MCAM: variants seen among roughly 807,000 people sequenced by gnomAD.
MCAM encodes cell surface glycoprotein MUC18.
A neutral mutation model predicts 79.1 loss-of-function variants in MCAM; 55 were observed. That is an observed-to-expected ratio of 0.70 (90% CI 0.56 to 0.87). The LOEUF is 0.87. Ranked by LOEUF, MCAM falls within the 40% of genes least tolerant of loss-of-function variation. The pLI, the probability that MCAM is intolerant of heterozygous loss-of-function variation, is 0.00. For synonymous variants in MCAM, 330 were observed against 339.8 expected, an observed-to-expected ratio of 0.97 and a Z score of 0.32; for missense variants, 745 against 839.8, an observed-to-expected ratio of 0.89 and a Z score of 1.40.
chr11:119,313,467 G>A (rs1016473243), intron 5 of MCAM: 4 of 523,714 alleles, frequency 7.6e-6, no homozygotes, highest in South Asian at 4.2e-5. Context: ...GTACAATCTC[G>A]GCTCACCGCA....
Position 119,309,625 on chromosome 11 carries a change from G to T in MCAM, c.*261C>A, listed in dbSNP as rs989035906. The T allele has an allele frequency of 7.4e-6, 4 of 543,254 alleles. No individual in the cohort carries two copies. The highest frequency in any genetic ancestry group is 1.9e-5 in the African/African-American group (1 of 52,734). 33.7% of individuals were successfully genotyped at this position (543,254 alleles called of 1,614,324 possible). A position where few individuals can be genotyped will look rare whatever the true frequency, so the allele number is the denominator to read the frequency against. On this transcript the variant is annotated 3_prime_UTR_variant, in exon 16 of 16. Transcript: ENST00000264036. ...CGTTCTGCAAGAAACTCTCCTACCC[G>T]CTCGGGAGACTGGGGCTCCTTGCTT... is the stretch of plus-strand genomic sequence containing the variant.
rs1462955078 is a variant in MCAM at position 119,313,455 on chromosome 11, T to G, written c.560-506A>C. 6 of 648,910 alleles carry G rather than the reference T, an allele frequency of 9.2e-6. No homozygotes were observed. The African/African-American group carries it at 1.2e-4, about 13-fold the overall frequency. The allele number at this position is 648,910 out of a possible 1,614,324, so 40.2% of individuals were successfully genotyped here. ...TCTTGTTGCCCAGGCTGGAGTGCAG[T>G]GGTACAATCTCGGCTCACCGCAACC... On this transcript the variant is annotated intron_variant, in intron 5 of 15. Coordinates refer to ENST00000264036, the MANE Select transcript of MCAM (RefSeq NM_006500.3).
rs2249466 is a variant in MCAM at position 119,310,460 on chromosome 11, T to C, written c.1800A>G (p.Leu600=). Residue 600 remains leucine (L), a synonymous_variant, in exon 15 of 16, where the codon CTA becomes CTG. Coordinates refer to ENST00000264036, the MANE Select transcript of MCAM (RefSeq NM_006500.3). ...CAAGTTCGCTCTTACGAGACGGGGG[T>C]AGCGTGCTGGGAGGAGGGAGGGAGG... ...CRRSGKQEIT[L]PPSRKSELVV... The C allele has an allele frequency of 0.72, 1,158,879 of 1,601,838 alleles. 420,927 individuals carry two copies. Among genetic ancestry groups the C allele is most frequent in the Admixed American group, 0.83 (49,604 of 60,020 alleles).
intron 5 of MCAM, 47 bp downstream of exon 5, chr11:119,314,442 T>C: frequency 2.0e-6 from 3 of 1,521,772 alleles, no homozygotes; most frequent in Non-Finnish European, 2.7e-6. Flanking sequence ...AGGTGTGAGC[T>C]ACCACACCTG....
In MCAM at chr11:119,311,688, G is replaced by A; in HGVS notation, c.1286-37C>T. On this transcript the variant is annotated intron_variant, in intron 10 of 15. Coordinates refer to ENST00000264036, the MANE Select transcript of MCAM (RefSeq NM_006500.3). The surrounding 1 kb of genome is among the most constrained non-coding windows in gnomAD (Gnocchi z 4.4). ...AGGGAGAGGTGAGGTGGCAAGCCCAGCTAGCCTGCCTCCCCCTCCGCACCA... is the reference window on the plus strand; with the variant it reads ...AGGGAGAGGTGAGGTGGCAAGCCCAACTAGCCTGCCTCCCCCTCCGCACCA... The A allele has an allele frequency of 6.2e-7, 1 of 1,612,888 alleles. No individual in the cohort carries two copies. Among genetic ancestry groups the A allele is most frequent in the Non-Finnish European group, 8.5e-7 (1 of 1,179,242 alleles).
chr11:119,317,060 G>T lies in MCAM; in HGVS notation c.42C>A (p.Ala14=). The change falls in exon 1 of 16, where the codon GCC becomes GCA. Residue 14 remains alanine (A), a synonymous_variant. Coordinates refer to ENST00000264036, the MANE Select transcript of MCAM (RefSeq NM_006500.3). This position sits in a 1 kb window ranked among gnomAD's most constrained non-coding sequence, Gnocchi z 6.2. The stretch of plus-strand genomic sequence containing the variant: ...CCGCGACGCGAGGACAGCAGCAGCA[G>T]GCGGCGAGCAAGAAGGCGCAGACCA... ...PRLVCAFLLA[A]CCCCPRVAGV... 6.5e-7 allele frequency: 1 copy of T among 1,535,426 alleles called. No individual in the cohort carries two copies.
chr11:119,309,627 T>G lies in MCAM; in HGVS notation c.*259A>C. 1.8e-6 allele frequency: 1 copy of G among 547,234 alleles called. No individual in the cohort carries two copies. Among genetic ancestry groups the G allele is most frequent in the Non-Finnish European group, 3.2e-6 (1 of 307,786 alleles). The allele number at this position is 547,234 out of a possible 1,614,324, so 33.9% of individuals were successfully genotyped here. ...TTCTGCAAGAAACTCTCCTACCCGC[T>G]CGGGAGACTGGGGCTCCTTGCTTGG... On this transcript the variant is annotated 3_prime_UTR_variant, in exon 16 of 16. Transcript: ENST00000264036.
Position 119,316,749 on chromosome 11 carries a change from A to AC in MCAM, c.67+285dup, listed in dbSNP as rs367702796. ...AGAGTGAGCACCTCAGGGACCACCC[A>AC]CCCCCCAGCACCCCGAAAGGCTGAG... On this transcript the variant is annotated intron_variant, in intron 1 of 15. Coordinates refer to ENST00000264036, the MANE Select transcript of MCAM (RefSeq NM_006500.3). The surrounding 1 kb of genome is among the most constrained non-coding windows in gnomAD (Gnocchi z 4.8). 3.0e-3 allele frequency: 1,270 copies of AC among 427,082 alleles called. 19 individuals carry two copies. The highest frequency in any genetic ancestry group is 0.025 in the African/African-American group (1,188 of 46,686). 26.5% of individuals were successfully genotyped at this position (427,082 alleles called of 1,614,324 possible).
intron 5 of MCAM, 118 bp from the exon 6 acceptor site, chr11:119,313,067 G>A: frequency 1.3e-6 from 2 of 1,559,226 alleles, no homozygotes; most frequent in Non-Finnish European, 1.7e-6. Context: ...CCCTGTAGAA[G>A]GCCAGGTACA....
In MCAM at chr11:119,312,644, C is replaced by T. The variant is rs374252699; in HGVS notation, c.744G>A (p.Pro248=). The T allele has an allele frequency of 5.1e-5, 82 of 1,614,146 alleles. No homozygotes were observed. The African/African-American group carries it at 7.5e-4, about 15-fold the overall frequency. Residue 248 remains proline, a synonymous_variant, in exon 7 of 16, where the codon CCG becomes CCA. Transcript: ENST00000264036. The surrounding 1 kb of genome is among the most constrained non-coding windows in gnomAD (Gnocchi z 4.9). ...CCACTTCCAGCCACACTTTTTCTGT[C>T]GGGTCTGCATAGGCAAAGGGGGTAG... is the stretch of plus-strand genomic sequence containing the variant. ...SREVTVPVFY[P]TEKVWLEVEP... is the part of the protein sequence containing the mutation.
At chr11:119,314,647 C>T (rs746884239) in intron 4 of MCAM, 32 bp downstream of exon 4, 2 of 1,613,088 alleles carry the variant, frequency 1.2e-6, no homozygotes, top group Non-Finnish European at 1.7e-6. Flanking sequence ...GGCTGCGCAC[C>T]AGCTGCCCAG....
chr11:119,312,093 C>T lies in MCAM; in HGVS notation c.1102G>A (p.Glu368Lys). 6.2e-7 allele frequency: 1 copy of T among 1,613,546 alleles called. No homozygotes were observed. The highest frequency in any genetic ancestry group is 8.5e-7 in the Non-Finnish European group (1 of 1,179,766). ...TGGAACTCGAGGTCCTGGCTACTCT[C>T]TGCCTCACAGGTCAGGGTGAGGCTG... ...GSSLTLTCEAESSQDLEFQWL... is the reference protein window; with the variant it reads ...GSSLTLTCEAKSSQDLEFQWL... Residue 368 changes from glutamate to lysine, a missense_variant, in exon 9 of 16, where the codon GAG (glutamate) becomes AAG (lysine). By Grantham distance (56) the Glu-to-Lys change is moderately conservative. Transcript: ENST00000264036. This position sits in a 1 kb window ranked among gnomAD's most constrained non-coding sequence, Gnocchi z 4.9.
In MCAM at chr11:119,311,006, C is replaced by G; in HGVS notation, c.1645+84G>C. On this transcript the variant is annotated intron_variant, in intron 13 of 15. Coordinates refer to ENST00000264036, the MANE Select transcript of MCAM (RefSeq NM_006500.3). The surrounding 1 kb of genome is among the most constrained non-coding windows in gnomAD (Gnocchi z 4.4). ...CCGACAAGATGGGGCTGCTACTCAC[C>G]TTTCTGGACAGGGCTCTCTGGGGAG... The G allele has an allele frequency of 6.2e-7, 1 of 1,613,930 alleles. No homozygotes were observed. Among genetic ancestry groups the G allele is most frequent in the Middle Eastern group, 1.6e-4 (1 of 6,062 alleles).
rs770212679 is a variant in MCAM, at chr11:119,310,454, C to T, written c.1806G>A (p.Pro602=). ...RSGKQEITLP[P]SRKSELVVEV... ...CAACTACAAGTTCGCTCTTACGAGACGGGGGTAGCGTGCTGGGAGGAGGGA... is the reference window on the plus strand; with the variant it reads ...CAACTACAAGTTCGCTCTTACGAGATGGGGGTAGCGTGCTGGGAGGAGGGA... Residue 602 remains proline (P), a synonymous_variant, in exon 15 of 16, where the codon CCG becomes CCA. Transcript: ENST00000264036. The T allele has an allele frequency of 3.1e-5, 50 of 1,609,842 alleles. No homozygotes were observed. In the Admixed American group the frequency reaches 3.7e-4, roughly 12 times the overall value.
In MCAM at chr11:119,310,278, G is replaced by A. The variant is rs1419210411; in HGVS notation, c.1911+71C>T. On this transcript the variant is annotated intron_variant, in intron 15 of 15. Coordinates refer to ENST00000264036, the MANE Select transcript of MCAM (RefSeq NM_006500.3). ...GACAAAGAGGGATGAAGGATAGAGA[G>A]AACCGTTAGTCCCTACTGCCCCCGG... The A allele has an allele frequency of 5.0e-6, 5 of 1,000,646 alleles. No homozygotes were observed. In the Admixed American group the frequency reaches 8.7e-5, roughly 17 times the overall value. 62.0% of individuals were successfully genotyped at this position (1,000,646 alleles called of 1,614,324 possible).
At position 119,316,412 on chromosome 11, in the gene MCAM, G is replaced by T. The variant is rs188623296; in HGVS notation, c.67+623C>A. On this transcript the variant is annotated intron_variant, in intron 1 of 15. Coordinates refer to ENST00000264036, the MANE Select transcript of MCAM (RefSeq NM_006500.3). This position sits in a 1 kb window ranked among gnomAD's most constrained non-coding sequence, Gnocchi z 4.8. ...AATGTGGTCCCCAAAATAAGCCAGC[G>T]GGCGCTTCCAGTATGGGAATCCTCC... The T allele has an allele frequency of 6.6e-6, 1 of 152,268 alleles. No individual in the cohort carries two copies. Among genetic ancestry groups the T allele is most frequent in the Non-Finnish European group, 1.5e-5 (1 of 68,088 alleles). 9.4% of individuals were successfully genotyped at this position (152,268 alleles called of 1,614,324 possible).
intron 5 of MCAM, 70 bp downstream of exon 5, chr11:119,314,419 G>T (rs1407350022): frequency 4.3e-6 from 6 of 1,397,886 alleles, no homozygotes; most frequent in Non-Finnish European, 6.1e-6. Context: ...GCCTCCCAAA[G>T]CACCGAGATT....
chr11:119,308,723 C>T lies in MCAM; in HGVS notation c.*1163G>A, dbSNP rs1241301090. Reference sequence around the variant, plus strand: ...AGGCCCGTTTTCCATCCCTAAGTACCATTCTCTCATTTGGGCCCTTCTAGG... The same window carrying T: ...AGGCCCGTTTTCCATCCCTAAGTACTATTCTCTCATTTGGGCCCTTCTAGG... On this transcript the variant is annotated 3_prime_UTR_variant, in exon 16 of 16. Coordinates refer to ENST00000264036, the MANE Select transcript of MCAM (RefSeq NM_006500.3). 1 of 151,790 alleles carries T rather than the reference C, an allele frequency of 6.6e-6. No individual in the cohort carries two copies. Among genetic ancestry groups the T allele is most frequent in the Non-Finnish European group, 1.5e-5 (1 of 67,942 alleles). 9.4% of individuals were successfully genotyped at this position (151,790 alleles called of 1,614,324 possible).
chr11:119,310,693 C>A, intron 14 of MCAM, 63 bp downstream of exon 14: 1 of 1,563,462 alleles, frequency 6.4e-7, no homozygotes, highest in Non-Finnish European at 8.7e-7. Context: ...CAGGCGGGCG[C>A]TGGGCAGGCA....
Sources: gnomAD v4.1 joint callset for allele counts on GRCh38, gnomAD v4.1.1 for gene constraint, Gnocchi (gnomAD v3.1) non-coding constraint, MANE v1.5 for transcripts, NCBI Gene and HGNC (gene_info 2026-07-23, HGNC 2026-07-21) for gene names.